NRG3: variants seen among roughly 807,000 people sequenced by gnomAD.
NRG3 encodes the protein neuregulin 3.
A neutral mutation model predicts 66.9 loss-of-function variants in NRG3; 31 were observed. The observed-to-expected ratio is 0.46, with a 90% CI of 0.35 to 0.63. The LOEUF (loss-of-function observed/expected upper bound fraction) is 0.63, where lower values mean the gene tolerates loss of function less well. Among genes scored for constraint, NRG3 ranks in the 20% least tolerant of loss-of-function variants. The probability of loss-of-function intolerance (pLI) is 0.00; values close to 1 mark genes in which losing one functional copy is unlikely to be tolerated. For synonymous variants in NRG3, 393 were observed against 359.4 expected (o/e 1.09, Z -1.06); for missense variants, 910 against 878.9 (o/e 1.04, Z -0.45).
chr10:82,268,345 C>T lies in NRG3; in HGVS notation c.824-90394C>T, dbSNP rs141916443. Among the ~76,000 whole-genome samples, 581 of 152,124 alleles carry T rather than the reference C, an allele frequency of 3.8e-3. 3 individuals are homozygous for T. The highest frequency in any genetic ancestry group is 0.013 in the African/African-American group (547 of 41,516). On this transcript the variant is annotated intron_variant, in intron 1 of 8. Transcript: ENST00000372141. ...CTTGTATCAAATGGAACAGATGGAC[C>T]CCAAACCCAGTGTGGCTGGTCTGAA...
At chr10:82,472,161 C>A (rs1034941409) in intron 2 of NRG3, among the ~76,000 whole-genome samples, 1 of 152,126 alleles carries the variant, frequency 6.6e-6, no homozygotes, top group African/African-American at 2.4e-5. Flanking sequence ...CTTTTACCAC[C>A]TATAAAAAGA....
intron 1 of NRG3, among the ~76,000 whole-genome samples, chr10:81,964,485 G>C (rs572196531): frequency 6.6e-6 from 1 of 150,914 alleles, no homozygotes; most frequent in Non-Finnish European, 1.5e-5. Context: ...TCTCATGACC[G>C]TACAGTAGTG....
chr10:81,989,048 G>A (rs1480357951), intron 1 of NRG3, among the ~76,000 whole-genome samples: 2 of 152,138 alleles, frequency 1.3e-5, no homozygotes, highest in Non-Finnish European at 2.9e-5. Flanking sequence ...TACACTCTCT[G>A]TATATTGCAG....
At chr10:82,624,401 C>T (rs2049261638) in intron 2 of NRG3, among the ~76,000 whole-genome samples, 1 of 152,046 alleles carries the variant, frequency 6.6e-6, no homozygotes, top group Non-Finnish European at 1.5e-5. Flanking sequence ...TTTTGCCTTC[C>T]TTCCTTTTTC....
At position 82,343,142 on chromosome 10, in the gene NRG3, G is replaced by T. The variant is rs372715719; in HGVS notation, c.824-15597G>T. Among the ~76,000 whole-genome samples the T allele has an allele frequency of 1.7e-4, 26 of 151,904 alleles. 1 individual carries two copies. The highest frequency in any genetic ancestry group is 1.5e-3 in the East Asian group (8 of 5,170). ...TAGTAACCAAAACAGTATGGTACTG[G>T]AATAAAAAAATAGACATATAGATAA... is the stretch of plus-strand genomic sequence containing the variant. On this transcript the variant is annotated intron_variant, in intron 1 of 8. Coordinates refer to ENST00000372141, the MANE Select transcript of NRG3 (RefSeq NM_001010848.4).
At chr10:82,474,042 C>T (rs1841529288) in intron 2 of NRG3, among the ~76,000 whole-genome samples, 1 of 151,974 alleles carries the variant, frequency 6.6e-6, no homozygotes, top group East Asian at 1.9e-4. Context: ...CAGGAATATA[C>T]ATGTTCAGAA....
chr10:82,144,348 T>C (rs1255751474), intron 1 of NRG3, among the ~76,000 whole-genome samples: 1 of 152,148 alleles, frequency 6.6e-6, no homozygotes, highest in Non-Finnish European at 1.5e-5. Context: ...AATTGGTCCC[T>C]TGGGACAGGA....
intron 3 of NRG3, among the ~76,000 whole-genome samples, chr10:82,860,036 G>T (rs1265046255): frequency 6.6e-6 from 1 of 152,132 alleles, no homozygotes; most frequent in Non-Finnish European, 1.5e-5. Flanking sequence ...GTTGCTAGTT[G>T]TAAGATCATT....
chr10:81,969,288 A>G (rs1358032212), intron 1 of NRG3, among the ~76,000 whole-genome samples: 1 of 152,202 alleles, frequency 6.6e-6, no homozygotes, highest in Non-Finnish European at 1.5e-5. Flanking sequence ...CATGTGTTAG[A>G]GGAACAAAAA....
intron 2 of NRG3, among the ~76,000 whole-genome samples, chr10:82,372,039 G>A (rs1040227027): frequency 6.6e-6 from 1 of 152,202 alleles, no homozygotes; most frequent in Admixed American, 6.5e-5. Flanking sequence ...GCACTCATAT[G>A]TACATAGAAG....
chr10:82,768,141 G>A (rs1572044), intron 3 of NRG3, among the ~76,000 whole-genome samples: 3,271 of 152,224 alleles, frequency 0.021, 123 homozygotes, highest in African/African-American at 0.074. Context: ...TCAAGAGTAG[G>A]AGAAATGTGT....
intron 1 of NRG3, among the ~76,000 whole-genome samples, chr10:81,964,356 G>A (rs184410506): frequency 3.0e-5 from 4 of 134,936 alleles, no homozygotes; most frequent in Admixed American, 2.5e-4. Context: ...AGATTGCATC[G>A]CTGCACTCCA....
chr10:82,766,415 C>T (rs944611111), intron 3 of NRG3, among the ~76,000 whole-genome samples: 2 of 152,116 alleles, frequency 1.3e-5, no homozygotes, highest in African/African-American at 2.4e-5. Context: ...TTAGAAAACA[C>T]TTCTTTCACA....
At chr10:82,456,754 G>C (rs1377188762) in intron 2 of NRG3, among the ~76,000 whole-genome samples, 2 of 152,034 alleles carry the variant, frequency 1.3e-5, no homozygotes, top group African/African-American at 2.4e-5. Flanking sequence ...CAACTCCCTA[G>C]AAATATAGAG....
chr10:82,395,016 T>C (rs1470357052), intron 2 of NRG3, among the ~76,000 whole-genome samples: 2 of 152,304 alleles, frequency 1.3e-5, no homozygotes, highest in East Asian at 1.9e-4. Flanking sequence ...TGTAACTTGC[T>C]TTGGTCAATG....
intron 2 of NRG3, among the ~76,000 whole-genome samples, chr10:82,558,220 A>G (rs1003889279): frequency 1.3e-5 from 2 of 152,132 alleles, no homozygotes; most frequent in African/African-American, 4.8e-5. Context: ...TGCTGTGAGG[A>G]AGGAGATGGC....
In NRG3 at chr10:82,953,969, A is replaced by G. The variant is rs115438617; in HGVS notation, c.1157+2398A>G. Among the ~76,000 whole-genome samples, 597 of 151,412 alleles carry G rather than the reference A, an allele frequency of 3.9e-3. 19 individuals are homozygous for G. The highest frequency in any genetic ancestry group is 0.014 in the African/African-American group (577 of 41,058). On this transcript the variant is annotated intron_variant, in intron 5 of 8. Coordinates refer to ENST00000372141, the MANE Select transcript of NRG3 (RefSeq NM_001010848.4). ...TGAGATTCAGTCTCAAAAAAAAAAA[A>G]ACAATGCAATCACAGTGTAAAGGGC... is the stretch of plus-strand genomic sequence containing the variant.
intron 2 of NRG3, among the ~76,000 whole-genome samples, chr10:82,527,775 A>G (rs539807383): frequency 6.6e-6 from 1 of 152,116 alleles, no homozygotes; most frequent in Admixed American, 6.5e-5. Context: ...GATCTTAATG[A>G]GCTCTTTTGT....
chr10:81,880,654 C>G (rs185783429), intron 1 of NRG3, among the ~76,000 whole-genome samples: 1 of 152,284 alleles, frequency 6.6e-6, no homozygotes. Flanking sequence ...CTCATAACCT[C>G]TCATCTCCAA....
Sources: gnomAD v4.1 joint callset for allele counts (sites outside exome capture counted in the v4.1 genomes callset) on GRCh38, gnomAD v4.1.1 for gene constraint, MANE v1.5 for transcripts, NCBI Gene and HGNC (gene_info 2026-07-23, HGNC 2026-07-21) for gene names.